Variants in CMSS1 observed in about 807,000 individuals in gnomAD.
CMSS1 encodes cms1 ribosomal small subunit homolog.
A neutral mutation model predicts 43.5 loss-of-function variants in CMSS1; 33 were observed. The ratio of observed to expected loss-of-function variants is 0.76; its 90% CI spans 0.57 to 1.01. CMSS1 has a LOEUF of 1.01. CMSS1 is among the 50% of genes least tolerant of loss of function. CMSS1 has a pLI of 0.00. For synonymous variants in CMSS1, 115 were observed against 117.2 expected (o/e 0.98, Z 0.12); for missense variants, 313 against 326.4 (o/e 0.96, Z 0.32).
At chr3:99,836,415 A>G (rs574817490) in intron 1 of CMSS1, among the ~76,000 whole-genome samples, 13 of 152,296 alleles carry the variant, frequency 8.5e-5, no homozygotes, top group South Asian at 6.2e-4. Flanking sequence ...TTTGAAGTGT[A>G]TAGTTGGGCC....
At chr3:99,870,961 A>G (rs1476936460) in intron 1 of CMSS1, among the ~76,000 whole-genome samples, 1 of 152,146 alleles carries the variant, frequency 6.6e-6, no homozygotes, top group Non-Finnish European at 1.5e-5. Flanking sequence ...CTTGAAGGCC[A>G]TTCCATGCCC....
chr3:99,913,622 A>G lies in CMSS1; in HGVS notation c.64+95579A>G, dbSNP rs371851039. ...AAAAGAATAGAAAAAGTATTGTATG[A>G]TCTTCATGAATTGCTGATATATGCT... is the stretch of plus-strand genomic sequence containing the variant. On this transcript the variant is annotated intron_variant, in intron 1 of 9. Transcript: ENST00000421999. Among the ~76,000 whole-genome samples, 7 of 152,346 alleles carry G rather than the reference A, an allele frequency of 4.6e-5. No homozygotes were observed. The South Asian group carries it at 1.4e-3, about 32-fold the overall frequency.
chr3:100,062,401 GC>G (rs1201029966), intron 1 of CMSS1, among the ~76,000 whole-genome samples: 3 of 152,000 alleles, frequency 2.0e-5, no homozygotes, highest in African/African-American at 7.3e-5. Flanking sequence ...GTGAGCCACC[GC>G]GCCCGGTCTA....
intron 1 of CMSS1, among the ~76,000 whole-genome samples, chr3:99,832,353 C>T (rs1942701586): frequency 6.6e-6 from 1 of 151,148 alleles, no homozygotes; most frequent in Non-Finnish European, 1.5e-5. Context: ...GCCTCAGCCT[C>T]CCCAGTAGCT....
chr3:99,910,986 A>G (rs981841960), intron 1 of CMSS1, among the ~76,000 whole-genome samples: 2 of 152,176 alleles, frequency 1.3e-5, no homozygotes, highest in African/African-American at 4.8e-5. Flanking sequence ...CAGTTGAAAT[A>G]AATAGACGCT....
chr3:99,992,326 A>G (rs1013987513), intron 1 of CMSS1, among the ~76,000 whole-genome samples: 1 of 151,992 alleles, frequency 6.6e-6, no homozygotes, highest in Non-Finnish European at 1.5e-5. Flanking sequence ...ATCCTTGCCA[A>G]CATCTGTTGT....
At chr3:100,132,663 C>T (rs2066718158) in intron 1 of CMSS1, among the ~76,000 whole-genome samples, 1 of 151,110 alleles carries the variant, frequency 6.6e-6, no homozygotes, top group African/African-American at 2.4e-5. Flanking sequence ...ACTAAAAATA[C>T]AAAAAATTAG....
intron 1 of CMSS1, among the ~76,000 whole-genome samples, chr3:99,942,017 C>T (rs1013543975): frequency 6.6e-6 from 1 of 152,074 alleles, no homozygotes; most frequent in Non-Finnish European, 1.5e-5. Flanking sequence ...GAGATCTAGA[C>T]CATCCTGGCT....
chr3:100,114,921 C>A, intron 1 of CMSS1: 1 of 1,528,276 alleles, frequency 6.5e-7, no homozygotes, highest in Non-Finnish European at 8.8e-7. Flanking sequence ...TGAATGCCTG[C>A]CTGTTCCATT....
At chr3:100,010,361 T>C (rs1295139318) in intron 1 of CMSS1, among the ~76,000 whole-genome samples, 1 of 152,080 alleles carries the variant, frequency 6.6e-6, no homozygotes, top group Non-Finnish European at 1.5e-5. Flanking sequence ...CTGAGTATAT[T>C]TACATGTCAA....
At chr3:99,944,199 G>A (rs1027410072) in intron 1 of CMSS1, among the ~76,000 whole-genome samples, 5 of 152,196 alleles carry the variant, frequency 3.3e-5, no homozygotes, top group African/African-American at 1.2e-4. Flanking sequence ...AAGAGTGTGT[G>A]TTATTTTGTG....
intron 1 of CMSS1, chr3:99,924,505 T>C (rs990361373): frequency 7.9e-7 from 1 of 1,260,194 alleles, no homozygotes; most frequent in Non-Finnish European, 1.1e-6. Flanking sequence ...AATTCGGCAG[T>C]GGGTTTTTTT....
intron 1 of CMSS1, chr3:100,025,597 G>A (rs1202330211): frequency 6.6e-6 from 1 of 152,112 alleles, no homozygotes; most frequent in African/African-American, 2.4e-5. Flanking sequence ...AGTGCATTTA[G>A]CTCTGAGCTT....
In CMSS1 at chr3:100,167,900, G is replaced by A. The variant is rs190565299; in HGVS notation, c.518+60G>A. On this transcript the variant is annotated intron_variant, in intron 6 of 9. Coordinates refer to ENST00000421999, the MANE Select transcript of CMSS1 (RefSeq NM_032359.4). ...TTTCTGAATAACTGATATATGCCAA[G>A]CTATTATGTTCTATGTGCTGGAGAT... 4.8e-5 allele frequency: 56 copies of A among 1,172,288 alleles called. No individual in the cohort carries two copies. The Admixed American group carries it at 8.0e-4, about 17-fold the overall frequency. 72.6% of individuals were successfully genotyped at this position (1,172,288 alleles called of 1,614,324 possible). A position where few individuals can be genotyped will look rare whatever the true frequency, so the allele number is the denominator to read the frequency against.
At chr3:99,868,675 C>T (rs1944637846) in intron 1 of CMSS1, among the ~76,000 whole-genome samples, 2 of 152,130 alleles carry the variant, frequency 1.3e-5, no homozygotes. Context: ...TGGCACAAGC[C>T]TTATTTGTCT....
intron 1 of CMSS1, among the ~76,000 whole-genome samples, chr3:100,139,182 G>T (rs1482736745): frequency 1.3e-5 from 2 of 152,000 alleles, no homozygotes; most frequent in Non-Finnish European, 2.9e-5. Flanking sequence ...CACACACCAG[G>T]GCCTGTTGTT....
chr3:100,163,685 G>A (rs951413580), intron 4 of CMSS1, among the ~76,000 whole-genome samples: 1 of 152,020 alleles, frequency 6.6e-6, no homozygotes, highest in South Asian at 2.1e-4. Context: ...ATATAGCCAC[G>A]TGCCACCATA....
At chr3:99,916,437 T>TAC (rs10529210) in intron 1 of CMSS1, among the ~76,000 whole-genome samples, 12,214 of 136,990 alleles carry the variant, frequency 0.089, 573 homozygotes, top group Middle Eastern at 0.12. Context: ...TAACGGTTTA[T>TAC]ACACACACAC....
chr3:100,114,443 C>A (rs1323171755), intron 1 of CMSS1: 2 of 153,018 alleles, frequency 1.3e-5, no homozygotes, highest in East Asian at 3.8e-4. Context: ...AGCCAGGAAC[C>A]ATCTGCGCAG....
Sources: gnomAD v4.1 joint callset for allele counts (sites outside exome capture counted in the v4.1 genomes callset) on GRCh38, gnomAD v4.1.1 for gene constraint, MANE v1.5 for transcripts, NCBI Gene and HGNC (gene_info 2026-07-23, HGNC 2026-07-21) for gene names.